The following SBF2 variants were observed in gnomAD, a reference collection of about 807,000 sequenced individuals.
The protein encoded by SBF2 is SET binding factor 2.
Under a neutral mutation model 225.2 loss-of-function variants are expected in SBF2, and 112 were observed. That is an observed-to-expected ratio of 0.50 (90% CI 0.43 to 0.58). The LOEUF (loss-of-function observed/expected upper bound fraction) is 0.58. SBF2 is among the 20% of genes least tolerant of loss of function. The pLI is 0.00. For synonymous variants in SBF2, 763 were observed against 773.3 expected, an observed-to-expected ratio of 0.99 and a Z score of 0.22; for missense variants, 1,996 against 2,206.2, an observed-to-expected ratio of 0.90 and a Z score of 1.91.
chr11:10,127,358 G>A (rs925907016), intron 2 of SBF2, among the ~76,000 whole-genome samples: 4 of 152,036 alleles, frequency 2.6e-5, no homozygotes, highest in Non-Finnish European at 5.9e-5. Flanking sequence ...TTTAAAGAAT[G>A]AATGGGCAAA....
chr11:10,048,386 CT>C (rs1949947614), intron 2 of SBF2, among the ~76,000 whole-genome samples: 1 of 152,142 alleles, frequency 6.6e-6, no homozygotes, highest in Non-Finnish European at 1.5e-5. Context: ...GTGAGTAAAA[CT>C]GCTTGTGTCT....
At chr11:10,070,590 C>T (rs569169385) in intron 2 of SBF2, among the ~76,000 whole-genome samples, 12 of 152,266 alleles carry the variant, frequency 7.9e-5, no homozygotes, top group East Asian at 3.9e-4. Flanking sequence ...AGTCAGGTAG[C>T]ATGATGCCTC....
intron 2 of SBF2, among the ~76,000 whole-genome samples, chr11:10,086,288 T>G (rs374023739): frequency 3.0e-4 from 46 of 152,270 alleles, no homozygotes; most frequent in African/African-American, 1.0e-3. Flanking sequence ...GATTGATGGT[T>G]CACTATCATG....
intron 11 of SBF2, among the ~76,000 whole-genome samples, 164 bp downstream of exon 11, chr11:9,992,826 A>C (rs1590700704): frequency 7.0e-6 from 1 of 142,888 alleles, no homozygotes; most frequent in Non-Finnish European, 1.6e-5. Context: ...AGATATTATG[A>C]GTTCCATATT....
intron 2 of SBF2, among the ~76,000 whole-genome samples, chr11:10,188,539 A>T (rs2135312484): frequency 6.6e-6 from 1 of 152,344 alleles, no homozygotes; most frequent in South Asian, 2.1e-4. Context: ...CTGTAGGGGA[A>T]AGATTTTCTA....
chr11:9,879,659 A>T (rs981892943), intron 17 of SBF2, among the ~76,000 whole-genome samples: 7 of 152,230 alleles, frequency 4.6e-5, no homozygotes, highest in Non-Finnish European at 8.8e-5. Context: ...CTTTCATTCA[A>T]CAAATATTCG....
chr11:10,261,798 C>T (rs996980432), intron 1 of SBF2, among the ~76,000 whole-genome samples: 1 of 152,124 alleles, frequency 6.6e-6, no homozygotes, highest in Admixed American at 6.5e-5. Context: ...AAAAAGGGAA[C>T]AAACTTCTAA....
At chr11:10,251,984 C>T (rs980577702) in intron 1 of SBF2, among the ~76,000 whole-genome samples, 1 of 152,162 alleles carries the variant, frequency 6.6e-6, no homozygotes, top group African/African-American at 2.4e-5. Flanking sequence ...AGCTCATGCA[C>T]GAGGCCCCAA....
intron 13 of SBF2, among the ~76,000 whole-genome samples, chr11:9,984,572 C>T (rs1473883460): frequency 6.6e-6 from 1 of 152,142 alleles, no homozygotes; most frequent in East Asian, 1.9e-4. Flanking sequence ...ATACAAGCAG[C>T]ACAAAGAACA....
chr11:9,999,662 C>G (rs1947866037), intron 8 of SBF2, among the ~76,000 whole-genome samples: 1 of 152,074 alleles, frequency 6.6e-6, no homozygotes, highest in African/African-American at 2.4e-5. Context: ...AAATTATGTA[C>G]AAACCAGGTG....
intron 1 of SBF2, among the ~76,000 whole-genome samples, chr11:10,196,866 A>ATATATATATTTTT: frequency 1.1e-4 from 11 of 99,312 alleles, no homozygotes; most frequent in African/African-American, 3.2e-4. Flanking sequence ...ATATATATAT[A>ATATATATATTTTT]TTTTTTTTTT....
intron 2 of SBF2, among the ~76,000 whole-genome samples, chr11:10,123,169 A>G (rs1953560451): frequency 6.6e-6 from 1 of 152,120 alleles, no homozygotes; most frequent in Admixed American, 6.6e-5. Context: ...GTGTCACAAA[A>G]CACTACAAAA....
chr11:10,123,447 A>G (rs1256099600), intron 2 of SBF2, among the ~76,000 whole-genome samples: 1 of 152,200 alleles, frequency 6.6e-6, no homozygotes, highest in Non-Finnish European at 1.5e-5. Flanking sequence ...GGGTAGTTTT[A>G]TAAATCCCGA....
At chr11:9,818,747 G>A (rs1311408191) in intron 28 of SBF2, among the ~76,000 whole-genome samples, 1 of 152,182 alleles carries the variant, frequency 6.6e-6, no homozygotes, top group Non-Finnish European at 1.5e-5. Flanking sequence ...TTGAGATGGA[G>A]TTTCACTCTT....
intron 1 of SBF2, among the ~76,000 whole-genome samples, chr11:10,292,679 A>T: frequency 5.9e-5 from 1 of 16,858 alleles, no homozygotes; most frequent in Admixed American, 6.2e-4. Context: ...ACTCCGTCTC[A>T]AAAAAAAAAA....
chr11:9,997,929 A>G (rs142567062), intron 9 of SBF2, among the ~76,000 whole-genome samples: 2 of 152,348 alleles, frequency 1.3e-5, no homozygotes, highest in African/African-American at 2.4e-5. Flanking sequence ...AGAGAAGCCA[A>G]CATCTAATGG....
chr11:10,033,263 G>A (rs192738731), intron 3 of SBF2, among the ~76,000 whole-genome samples: 99 of 152,244 alleles, frequency 6.5e-4, no homozygotes, highest in Non-Finnish European at 1.1e-3. Context: ...CACATTTTAT[G>A]AGATTGTGAT....
intron 27 of SBF2, 77 bp from the exon 28 acceptor site, chr11:9,829,573 T>C: frequency 1.6e-6 from 2 of 1,241,288 alleles, no homozygotes; most frequent in Non-Finnish European, 2.4e-6. Flanking sequence ...TCTATCTATC[T>C]ACCTATCTAT....
chr11:10,277,766 C>G (rs560553630), intron 1 of SBF2, among the ~76,000 whole-genome samples: 1 of 152,216 alleles, frequency 6.6e-6, no homozygotes, highest in African/African-American at 2.4e-5. Context: ...AGAAAGAGAT[C>G]AGAGTTATGC....
Sources: gnomAD v4.1 joint callset for allele counts (sites outside exome capture counted in the v4.1 genomes callset) on GRCh38, gnomAD v4.1.1 for gene constraint, MANE v1.5 for transcripts, NCBI Gene and HGNC (gene_info 2026-07-23, HGNC 2026-07-21) for gene names.